The following LRP1B variants were observed in gnomAD, a reference collection of about 807,000 sequenced individuals.
LRP1B encodes the protein low-density lipoprotein receptor-related protein 1B.
A neutral mutation model predicts 556.6 loss-of-function variants in LRP1B; 217 were observed. The observed-to-expected ratio is 0.39, with a 90% confidence interval of 0.35 to 0.44. The LOEUF is 0.44. Among genes scored for constraint, LRP1B ranks in the 20% least tolerant of loss-of-function variants. The pLI is 1.00. For synonymous variants in LRP1B, 2,047 were observed against 1,865.8 expected (o/e 1.10, Z -2.50); for missense variants, 5,053 against 5,620.8 (o/e 0.90, Z 3.23).
intron 35 of LRP1B, among the ~76,000 whole-genome samples, chr2:140,737,225 A>G (rs899551267): frequency 6.6e-6 from 1 of 152,142 alleles, no homozygotes; most frequent in Admixed American, 6.5e-5. Context: ...TGTGGCAATT[A>G]CGTAATTGTG....
intron 41 of LRP1B, among the ~76,000 whole-genome samples, chr2:140,637,201 C>T (rs1684100304): frequency 6.6e-6 from 1 of 152,036 alleles, no homozygotes; most frequent in South Asian, 2.1e-4. Flanking sequence ...GCACTGAGAT[C>T]CAGCAATAGA....
intron 2 of LRP1B, among the ~76,000 whole-genome samples, chr2:141,754,551 T>C (rs1254378012): frequency 3.9e-5 from 6 of 152,166 alleles, no homozygotes; most frequent in East Asian, 1.9e-4. Context: ...AACCAACATA[T>C]AGGTATGTGT....
intron 43 of LRP1B, among the ~76,000 whole-genome samples, chr2:140,546,000 T>TTG (rs148045904): frequency 0.17 from 24,571 of 142,396 alleles, 2,123 homozygotes; most frequent in Middle Eastern, 0.33. Flanking sequence ...TATTATTAGG[T>TTG]TGTGTGTGTG....
chr2:140,577,813 C>G lies in LRP1B; in HGVS notation c.7194+20818G>C, dbSNP rs552060696. ...AATTTTGATCAAAATCAGTTTTTTG[C>G]CTTCAAATTTTAGTCATATATAGTG... On this transcript the variant is annotated intron_variant, in intron 43 of 90. Coordinates refer to ENST00000389484, the MANE Select transcript of LRP1B (RefSeq NM_018557.3). 2.0e-5 allele frequency among the ~76,000 whole-genome samples: 3 copies of G among 152,008 alleles called. No homozygotes were observed. The East Asian group carries it at 5.8e-4, about 29-fold the overall frequency.
intron 35 of LRP1B, among the ~76,000 whole-genome samples, chr2:140,738,510 A>G (rs896689139): frequency 2.6e-5 from 4 of 152,158 alleles, no homozygotes; most frequent in Non-Finnish European, 5.9e-5. Context: ...CTAAGGCCTC[A>G]GCTCCCACAT....
intron 35 of LRP1B, among the ~76,000 whole-genome samples, chr2:140,734,687 T>C (rs1374826870): frequency 1.3e-5 from 2 of 152,138 alleles, no homozygotes; most frequent in Non-Finnish European, 2.9e-5. Flanking sequence ...TCCCAGCTTC[T>C]GTGTTCTGAA....
chr2:141,418,458 AC>A (rs916708456), intron 3 of LRP1B, among the ~76,000 whole-genome samples: 29 of 135,792 alleles, frequency 2.1e-4, no homozygotes, highest in African/African-American at 8.4e-4. Flanking sequence ...GCATGTGGAT[AC>A]CCAGTTACTC....
intron 3 of LRP1B, among the ~76,000 whole-genome samples, chr2:141,430,029 A>T (rs1264381940): frequency 6.6e-6 from 1 of 152,178 alleles, no homozygotes; most frequent in African/African-American, 2.4e-5. Context: ...CATTTGCATC[A>T]TTCTTTTCTC....
rs1698021463 is a variant in LRP1B, at chr2:141,020,076, C to T, written c.1816G>A (p.Val606Met). ...TAAAGATTATTTCCAATCCAGTCCA[C>T]AGCAATGCCCTCTACATTATCCAGA... ...DDLDNVEGIA[V>M]DWIGNNLYWT... The change falls in exon 12 of 91, where the codon GTG (valine) becomes ATG (methionine). Residue 606 changes from valine (V) to methionine (M), a missense_variant. Around this residue, in one of 5 missense-constraint regions of LRP1B, gnomAD observed 3,619 missense variants for 3,931.9 expected, o/e 0.92. Transcript: ENST00000389484. The T allele has an allele frequency of 6.2e-7, 1 of 1,606,548 alleles. No homozygotes were observed.
Position 141,905,765 on chromosome 2 carries a change from A to ATGTGTGTGTGTGTGTG in LRP1B, c.83-95380_83-95365dup, listed in dbSNP as rs56309590. Among the ~76,000 whole-genome samples, 19 of 100,190 alleles carry ATGTGTGTGTGTGTGTG rather than the reference A, an allele frequency of 1.9e-4. 2 individuals carry two copies. Among genetic ancestry groups the ATGTGTGTGTGTGTGTG allele is most frequent in the Admixed American group, 4.6e-4 (4 of 8,606 alleles). 65.7% of individuals were successfully genotyped at this position (100,190 alleles called of 152,430 possible). On this transcript the variant is annotated intron_variant, in intron 1 of 90. Coordinates refer to ENST00000389484, the MANE Select transcript of LRP1B (RefSeq NM_018557.3). ...GAGAAAATGGATCTGGTTTGAATAG[A>ATGTGTGTGTGTGTGTG]TGTGTGTGTGTGTGTGTGTGTGTGT...
chr2:141,180,186 C>T (rs1277453004), intron 7 of LRP1B, among the ~76,000 whole-genome samples: 8 of 151,612 alleles, frequency 5.3e-5, no homozygotes, highest in Non-Finnish European at 7.4e-5. Context: ...ACCATATCTT[C>T]TCATTGCAAT....
chr2:140,873,727 A>G (rs1417281356), intron 25 of LRP1B, among the ~76,000 whole-genome samples: 1 of 151,926 alleles, frequency 6.6e-6, no homozygotes, highest in Non-Finnish European at 1.5e-5. Context: ...TTTAGATCCT[A>G]AAGTTATATT....
chr2:140,513,673 G>A (rs1279307006), intron 51 of LRP1B, among the ~76,000 whole-genome samples: 1 of 151,594 alleles, frequency 6.6e-6, no homozygotes, highest in Non-Finnish European at 1.5e-5. Context: ...AACTTCAGTT[G>A]AGCTTGAATA....
intron 32 of LRP1B, among the ~76,000 whole-genome samples, chr2:140,798,402 T>C (rs1342349774): frequency 6.6e-6 from 1 of 152,218 alleles, no homozygotes; most frequent in Admixed American, 6.5e-5. Context: ...TACCCTTCTC[T>C]GCCCACTTTA....
Position 141,270,846 on chromosome 2 carries a change from TA to T in LRP1B, c.344-16206del, listed in dbSNP as rs557344791. 7.2e-5 allele frequency among the ~76,000 whole-genome samples: 11 copies of T among 152,082 alleles called. No individual in the cohort carries two copies. In the South Asian group the frequency reaches 2.1e-3, roughly 29 times the overall value. On this transcript the variant is annotated intron_variant, in intron 3 of 90. Transcript: ENST00000389484. ...AATGGAGAGTTTCAGTATGAGAAGA[TA>T]AAAAATTTCTGAAGATAGATGGTTG...
At chr2:141,472,412 T>C (rs6746208) in intron 3 of LRP1B, among the ~76,000 whole-genome samples, 128,755 of 151,760 alleles carry the variant, frequency 0.85, 55,245 homozygotes, top group East Asian at 0.97. Context: ...TGGTACTGGA[T>C]GCCTGTAATT....
chr2:141,049,535 C>A (rs917868548), intron 10 of LRP1B, among the ~76,000 whole-genome samples: 1 of 151,990 alleles, frequency 6.6e-6, no homozygotes, highest in African/African-American at 2.4e-5. Flanking sequence ...ATTAAAACAT[C>A]GGGCACATTT....
chr2:141,535,888 C>T (rs537499726), intron 2 of LRP1B, among the ~76,000 whole-genome samples: 1 of 152,210 alleles, frequency 6.6e-6, no homozygotes, highest in East Asian at 1.9e-4. Context: ...CTGAAATATG[C>T]TTCTATATCT....
intron 41 of LRP1B, among the ~76,000 whole-genome samples, chr2:140,610,640 C>T (rs146764062): frequency 0.021 from 3,240 of 152,256 alleles, 132 homozygotes; most frequent in African/African-American, 0.073. Flanking sequence ...GGCTGGAGTG[C>T]AGTGGTGCGA....
Sources: gnomAD v4.1 joint callset for allele counts (sites outside exome capture counted in the v4.1 genomes callset) on GRCh38, gnomAD v4.1.1 for gene constraint, gnomAD v4.1.1 regional missense constraint, MANE v1.5 for transcripts, NCBI Gene and HGNC (gene_info 2026-07-23, HGNC 2026-07-21) for gene names.